Variants in METAP1D observed in about 807,000 individuals in gnomAD.
METAP1D encodes methionine aminopeptidase 1D, mitochondrial.
METAP1D carries 31 observed loss-of-function variants against 40.5 expected under a neutral mutation model. That is an observed-to-expected ratio of 0.77 (90% CI 0.58 to 1.03). The LOEUF (loss-of-function observed/expected upper bound fraction) is 1.03, where lower values mean the gene tolerates loss of function less well. METAP1D is among the 50% of genes least tolerant of loss of function. METAP1D has a pLI of 0.00. For missense variants in METAP1D, 411 were observed against 420.7 expected (o/e 0.98, Z 0.20); for synonymous variants, 151 against 146.4 (o/e 1.03, Z -0.22).
intron 1 of METAP1D, among the ~76,000 whole-genome samples, chr2:172,045,699 A>ATATGTGTG (rs1355888809): frequency 3.6e-5 from 3 of 82,218 alleles, no homozygotes; most frequent in South Asian, 4.7e-4. Flanking sequence ...ATTCATATAT[A>ATATGTGTG]TGTGTGTGTG....
chr2:172,060,067 A>G (rs1690102452), intron 1 of METAP1D, among the ~76,000 whole-genome samples: 1 of 151,946 alleles, frequency 6.6e-6, no homozygotes, highest in Non-Finnish European at 1.5e-5. Context: ...AAGAAACCAA[A>G]AAACAAAAAA....
At chr2:172,005,170 T>G (rs561898985) in intron 1 of METAP1D, among the ~76,000 whole-genome samples, 1 of 152,124 alleles carries the variant, frequency 6.6e-6, no homozygotes. Flanking sequence ...TTATTTTATG[T>G]TTTATTTCAA....
At chr2:172,079,525 T>G (rs1012386505) in intron 8 of METAP1D, among the ~76,000 whole-genome samples, 1 of 152,224 alleles carries the variant, frequency 6.6e-6, no homozygotes, top group Non-Finnish European at 1.5e-5. Flanking sequence ...TTTGTTTTGT[T>G]TTGTTTTTTC....
intron 1 of METAP1D, among the ~76,000 whole-genome samples, chr2:172,050,916 C>T (rs943737517): frequency 2.0e-5 from 3 of 152,192 alleles, no homozygotes; most frequent in African/African-American, 7.2e-5. Context: ...TTTATTTCCT[C>T]TGTAAGGATA....
chr2:172,008,917 C>T (rs1474887831), intron 1 of METAP1D, among the ~76,000 whole-genome samples: 1 of 152,122 alleles, frequency 6.6e-6, no homozygotes, highest in Non-Finnish European at 1.5e-5. Flanking sequence ...TGCTAGTGTG[C>T]AGGGTGTGGA....
At chr2:172,009,175 G>A (rs760958366) in intron 1 of METAP1D, among the ~76,000 whole-genome samples, 4 of 151,856 alleles carry the variant, frequency 2.6e-5, no homozygotes, top group African/African-American at 4.8e-5. Flanking sequence ...CGAGTAGCTG[G>A]GACTAGGGGC....
At chr2:172,038,845 A>G (rs1487449111) in intron 1 of METAP1D, among the ~76,000 whole-genome samples, 1 of 152,232 alleles carries the variant, frequency 6.6e-6, no homozygotes, top group East Asian at 1.9e-4. Flanking sequence ...CTAGGGTTAC[A>G]TAATATTTAT....
chr2:172,042,704 T>TGTGTGTGTATATGTGTACACATATAC lies in METAP1D; in HGVS notation c.41-18786_41-18785insATATGTGTACACATATACGTGTGTGT, dbSNP rs1689610361. On this transcript the variant is annotated intron_variant, in intron 1 of 9. Coordinates refer to ENST00000315796, the MANE Select transcript of METAP1D (RefSeq NM_199227.3). ...ATGTGTATATGTGTACACATATACG[T>TGTGTGTGTATATGTGTACACATATAC]GTGTGTGTGTATATGTGTACACATA... Among the ~76,000 whole-genome samples the TGTGTGTGTATATGTGTACACATATAC allele has an allele frequency of 3.1e-4, 6 of 19,078 alleles. 3 individuals are homozygous for TGTGTGTGTATATGTGTACACATATAC. The highest frequency in any genetic ancestry group is 9.9e-4 in the Non-Finnish European group (6 of 6,054). The allele number at this position is 19,078 out of a possible 152,430, so 12.5% of individuals were successfully genotyped here. A position where few individuals can be genotyped will look rare whatever the true frequency, so the allele number is the denominator to read the frequency against.
rs1242218388 is a variant in METAP1D, at chr2:172,000,018, G to C, written c.40+9G>C. 1 of 1,330,342 alleles carries C rather than the reference G, an allele frequency of 7.5e-7. No individual in the cohort carries two copies. The highest frequency in any genetic ancestry group is 4.0e-5 in the Admixed American group (1 of 25,172). 82.4% of individuals were successfully genotyped at this position (1,330,342 alleles called of 1,614,324 possible). A position where few individuals can be genotyped will look rare whatever the true frequency, so the allele number is the denominator to read the frequency against. Reference sequence around the variant, plus strand: ...CCTGCTCGTCCGCAGAGGTAAGCGCGTGGAGGAGAGCCCCGTGAGGGTTCG... The same window carrying C: ...CCTGCTCGTCCGCAGAGGTAAGCGCCTGGAGGAGAGCCCCGTGAGGGTTCG... On this transcript the variant is annotated intron_variant, in intron 1 of 9. Coordinates refer to ENST00000315796, the MANE Select transcript of METAP1D (RefSeq NM_199227.3).
rs1184438896 is a variant in METAP1D, at chr2:172,069,768, TACCTCTATATTCTGCCACCA to T, written c.541-1134_541-1115del. 2.0e-5 allele frequency among the ~76,000 whole-genome samples: 3 copies of T among 152,326 alleles called. No homozygotes were observed. The East Asian group carries it at 5.8e-4, about 29-fold the overall frequency. ...ATAATCCATCATATTAACCTGAATC[TACCTCTATATTCTGCCACCA>T]ACCTTAAACAAGTTACTTATCTGTG... On this transcript the variant is annotated intron_variant, in intron 5 of 9. Coordinates refer to ENST00000315796, the MANE Select transcript of METAP1D (RefSeq NM_199227.3).
chr2:172,071,025 C>T lies in METAP1D; in HGVS notation c.659C>T (p.Ala220Val), dbSNP rs780780859. 24 of 1,612,656 alleles carry T rather than the reference C, an allele frequency of 1.5e-5. No individual in the cohort carries two copies. Among genetic ancestry groups the T allele is most frequent in the Non-Finnish European group, 2.0e-5 (24 of 1,179,182 alleles). The change falls in exon 6 of 10, where the codon GCT becomes GTT. Residue 220 changes from alanine (A) to valine (V), a missense_variant. Ala to Val is a moderately conservative substitution (Grantham distance 64). Transcript: ENST00000315796. Reference sequence around the variant, plus strand: ...AGGTGTAGAGATGAAGCAATTGCAGCTTGCAGAGCAGGGGCTCCCTTCTCT... The same window carrying T: ...AGGTGTAGAGATGAAGCAATTGCAGTTTGCAGAGCAGGGGCTCCCTTCTCT... Reference protein sequence around the residue: ...ARRCRDEAIAACRAGAPFSVI... With the variant: ...ARRCRDEAIAVCRAGAPFSVI...
chr2:172,000,113 C>T, intron 1 of METAP1D, 104 bp downstream of exon 1: 1 of 997,350 alleles, frequency 1.0e-6, no homozygotes, highest in Non-Finnish European at 1.3e-6. Context: ...TCTCGGCGCA[C>T]ACGACTGTAC....
Position 172,080,137 on chromosome 2 carries a change from T to C in METAP1D, c.860T>C (p.Ile287Thr). Residue 287 changes from isoleucine (I) to threonine (T), a missense_variant, in exon 9 of 10, where the codon ATC becomes ACC. Transcript: ENST00000315796. ...ATTTTTCCTCTTACAGAGCCAATCATCACGGAGGGATCCCCTGAATTTAAA... is the reference window on the plus strand; with the variant it reads ...ATTTTTCCTCTTACAGAGCCAATCACCACGGAGGGATCCCCTGAATTTAAA... ...EGMAFTIEPI[I>T]TEGSPEFKVL... 1 of 1,614,100 alleles carries C rather than the reference T, an allele frequency of 6.2e-7. No individual in the cohort carries two copies. The highest frequency in any genetic ancestry group is 8.5e-7 in the Non-Finnish European group (1 of 1,179,932).
rs906701344 is a variant in METAP1D at position 172,071,036 on chromosome 2, G to A, written c.670G>A (p.Gly224Arg). 5 of 1,612,156 alleles carry A rather than the reference G, an allele frequency of 3.1e-6. No individual in the cohort carries two copies. The African/African-American group carries it at 5.3e-5, about 17-fold the overall frequency. The change falls in exon 6 of 10, where the codon GGG (glycine) becomes AGG (arginine). Residue 224 changes from glycine (G) to arginine (R), a missense_variant. Coordinates refer to ENST00000315796, the MANE Select transcript of METAP1D (RefSeq NM_199227.3). ...RDEAIAACRA[G>R]APFSVIGNTI... is the part of the protein sequence containing the mutation. ...TGAAGCAATTGCAGCTTGCAGAGCAGGGGCTCCCTTCTCTGTAATTGGAAA... is the reference window on the plus strand; with the variant it reads ...TGAAGCAATTGCAGCTTGCAGAGCAAGGGCTCCCTTCTCTGTAATTGGAAA...
intron 1 of METAP1D, among the ~76,000 whole-genome samples, chr2:172,002,046 GAA>G (rs370838286): frequency 2.2e-5 from 3 of 134,734 alleles, no homozygotes. Flanking sequence ...GTAGTGAGCT[GAA>G]AAAAAAAAAA....
intron 1 of METAP1D, among the ~76,000 whole-genome samples, chr2:172,024,165 T>G (rs1195572213): frequency 1.3e-5 from 2 of 152,188 alleles, no homozygotes; most frequent in African/African-American, 4.8e-5. Context: ...GGCCTCATTG[T>G]AAAATTCTTT....
chr2:172,059,325 C>T (rs554114606), intron 1 of METAP1D, among the ~76,000 whole-genome samples: 22 of 152,110 alleles, frequency 1.4e-4, no homozygotes, highest in Admixed American at 2.6e-4. Context: ...GCGTGACCCA[C>T]CGCACTCAGC....
chr2:172,015,305 G>A (rs1032753638), intron 1 of METAP1D, among the ~76,000 whole-genome samples: 1 of 152,126 alleles, frequency 6.6e-6, no homozygotes, highest in Non-Finnish European at 1.5e-5. Flanking sequence ...CCAGCTACTT[G>A]GGAGGCTGAA....
At chr2:172,007,988 A>C (rs1688627510) in intron 1 of METAP1D, among the ~76,000 whole-genome samples, 1 of 149,538 alleles carries the variant, frequency 6.7e-6, no homozygotes, top group Admixed American at 6.6e-5. Context: ...GCCTAGCCGG[A>C]TATTATTATT....
Sources: gnomAD v4.1 joint callset for allele counts (sites outside exome capture counted in the v4.1 genomes callset) on GRCh38, gnomAD v4.1.1 for gene constraint, MANE v1.5 for transcripts, NCBI Gene and HGNC (gene_info 2026-07-23, HGNC 2026-07-21) for gene names.